Variants in ESRRG observed in about 807,000 individuals in gnomAD.
The protein encoded by ESRRG is estrogen-related receptor gamma.
In ESRRG, 13 loss-of-function variants were observed where a neutral mutation model predicts 44.0. That is an observed-to-expected ratio of 0.30 (90% CI 0.19 to 0.47). ESRRG has a LOEUF of 0.47. Among genes scored for constraint, ESRRG ranks in the 20% least tolerant of loss-of-function variants. The pLI, the probability that ESRRG is intolerant of heterozygous loss-of-function variation, is 1.00. For synonymous variants in ESRRG, 215 were observed against 214.6 expected (o/e 1.00, Z -0.02); for missense variants, 395 against 580.6 (o/e 0.68, Z 3.29).
At chr1:217,090,803 A>G (rs1288369438), upstream of ESRRG, among the ~76,000 whole-genome samples, 1 of 152,204 alleles carries the variant, frequency 6.6e-6, no homozygotes, top group African/African-American at 2.4e-5. Context: ...CTACAACAGC[A>G]GGAAAACTTT....
At chr1:216,524,722 T>C (rs937964205) in intron 5 of ESRRG, among the ~76,000 whole-genome samples, 20 of 152,296 alleles carry the variant, frequency 1.3e-4, no homozygotes, top group African/African-American at 4.6e-4. Flanking sequence ...TATGGAACTA[T>C]TATTTTAAAA....
chr1:216,836,305 A>G (rs1229791145), intron 2 of ESRRG, among the ~76,000 whole-genome samples: 1 of 152,196 alleles, frequency 6.6e-6, no homozygotes, highest in African/African-American at 2.4e-5. Flanking sequence ...TATTATACCC[A>G]CAAGTTTCAA....
chr1:216,519,041 A>T, intron 6 of ESRRG, 111 bp downstream of exon 6: 1 of 855,824 alleles, frequency 1.2e-6, no homozygotes, highest in Non-Finnish European at 1.8e-6. Flanking sequence ...AATTTTGCTG[A>T]CTCATACAAA....
chr1:216,636,678 C>T lies in ESRRG; in HGVS notation c.589+14295G>A, dbSNP rs548264394. ...TTCTAGAACTGCAAGTTAAGTAAGA[C>T]AGGTGAGGAAGGGAAGAATTCCTAG... On this transcript the variant is annotated intron_variant, in intron 3 of 6. Transcript: ENST00000408911. Among the ~76,000 whole-genome samples, 97 of 152,324 alleles carry T rather than the reference C, an allele frequency of 6.4e-4. 4 individuals carry two copies. Among genetic ancestry groups the T allele is most frequent in the African/African-American group, 2.2e-3 (92 of 41,568 alleles).
chr1:216,989,384 G>A lies in ESRRG; in HGVS notation c.-105-49711C>T, dbSNP rs116145772. 2.5e-3 allele frequency among the ~76,000 whole-genome samples: 334 copies of A among 133,670 alleles called. 1 individual carries two copies. The highest frequency in any genetic ancestry group is 8.7e-3 in the African/African-American group (313 of 35,930). 87.7% of individuals were successfully genotyped at this position (133,670 alleles called of 152,430 possible). ...AAACAATTGAGCTGCAGTGAGCCGTGATGTTGCCACTGCACTCTGTCTGCA... is the reference window on the plus strand; with the variant it reads ...AAACAATTGAGCTGCAGTGAGCCGTAATGTTGCCACTGCACTCTGTCTGCA... On this transcript the variant is annotated intron_variant, in intron 1 of 7. Coordinates refer to the ESRRG transcript ENST00000359162.
chr1:216,827,596 A>T (rs2148693655), intron 2 of ESRRG, among the ~76,000 whole-genome samples: 1 of 152,348 alleles, frequency 6.6e-6, no homozygotes, highest in South Asian at 2.1e-4. Context: ...TCATAAATAT[A>T]AAACTTATTT....
At chr1:216,991,392 CTGT>C (rs2075675081) in intron 1 of ESRRG, among the ~76,000 whole-genome samples, 1 of 152,072 alleles carries the variant, frequency 6.6e-6, no homozygotes, top group African/African-American at 2.4e-5. Flanking sequence ...GCTGCTGCTG[CTGT>C]TATCATCCAT....
rs945453 is a variant in ESRRG at position 216,519,327 on chromosome 1, C to T, written c.957G>A (p.Ser319=). 0.43 allele frequency: 690,597 copies of T among 1,612,634 alleles called. 157,727 individuals carry two copies. The highest frequency in any genetic ancestry group is 0.7 in the East Asian group (31,498 of 44,842). ...CTGCATAGACAAGTTCATCCTCAAA[C>T]GAAAGAGACCGGTATACGACACCAA... ...LILGVVYRSL[S]FEDELVYADD... The change falls in exon 6 of 7, where the codon TCG becomes TCA. Residue 319 remains serine (S), a synonymous_variant. Coordinates refer to ENST00000408911, the MANE Select transcript of ESRRG (RefSeq NM_001438.4).
At position 216,677,137 on chromosome 1, in the gene ESRRG, C is replaced by T. The variant is rs1230064604; in HGVS notation, c.411G>A (p.Gly137=). 2 of 1,613,748 alleles carry T rather than the reference C, an allele frequency of 1.2e-6. No homozygotes were observed. Among genetic ancestry groups the T allele is most frequent in the African/African-American group, 2.7e-5 (2 of 74,902 alleles). ...LCLVCGDIAS[G]YHYGVASCEA... ...CACATGATGCTACCCCATAGTGGTA[C>T]CCAGAAGCGATGTCACCACACACTA... is the stretch of plus-strand genomic sequence containing the variant. Residue 137 remains glycine, a synonymous_variant, in exon 2 of 7, where the codon GGG becomes GGA. Transcript: ENST00000408911.
intron 3 of ESRRG, among the ~76,000 whole-genome samples, chr1:216,614,462 T>C (rs1258417143): frequency 1.3e-5 from 2 of 152,160 alleles, no homozygotes; most frequent in Non-Finnish European, 2.9e-5. Flanking sequence ...GCTGAATATA[T>C]ATCTGGTGAG....
intron 2 of ESRRG, among the ~76,000 whole-genome samples, chr1:216,758,464 C>A (rs755315148): frequency 1.3e-5 from 2 of 152,072 alleles, no homozygotes; most frequent in African/African-American, 4.8e-5. Flanking sequence ...GCTTATCTCT[C>A]TGCTCAGTTC....
At chr1:216,986,538 T>A (rs2074898780) in intron 1 of ESRRG, among the ~76,000 whole-genome samples, 2 of 151,838 alleles carry the variant, frequency 1.3e-5, no homozygotes, top group African/African-American at 4.8e-5. Context: ...TAGAGAAACC[T>A]CGTCTCTGTA....
chr1:216,683,418 A>C (rs2077377515), intron 1 of ESRRG, among the ~76,000 whole-genome samples: 1 of 152,206 alleles, frequency 6.6e-6, no homozygotes, highest in Admixed American at 6.5e-5. Flanking sequence ...AGATTTAGTA[A>C]TGCTGCTTCT....
intron 2 of ESRRG, among the ~76,000 whole-genome samples, chr1:216,654,629 C>T (rs1456499094): frequency 2.1e-5 from 2 of 94,190 alleles, no homozygotes; most frequent in Non-Finnish European, 4.0e-5. Flanking sequence ...AACTCTGTTT[C>T]AAAAAAAAAA....
At chr1:216,551,978 C>T (rs2056469178) in intron 5 of ESRRG, among the ~76,000 whole-genome samples, 1 of 152,080 alleles carries the variant, frequency 6.6e-6, no homozygotes, top group Non-Finnish European at 1.5e-5. Flanking sequence ...TATCTCTCTG[C>T]ACAAAATAGA....
chr1:216,981,860 C>T (rs1472556531), intron 1 of ESRRG, among the ~76,000 whole-genome samples: 1 of 152,096 alleles, frequency 6.6e-6, no homozygotes, highest in African/African-American at 2.4e-5. Flanking sequence ...TACAACAAAC[C>T]CCTGGCACCC....
At chr1:216,775,516 C>G (rs546944103) in intron 2 of ESRRG, among the ~76,000 whole-genome samples, 2 of 143,070 alleles carry the variant, frequency 1.4e-5, no homozygotes, top group East Asian at 4.3e-4. Flanking sequence ...ACCCTGACAG[C>G]ATGGAGTCTT....
At chr1:216,983,227 A>G (rs930987610) in intron 1 of ESRRG, among the ~76,000 whole-genome samples, 1 of 151,174 alleles carries the variant, frequency 6.6e-6, no homozygotes, top group African/African-American at 2.5e-5. Context: ...AGACAGTGGT[A>G]TTGATTTTTT....
At chr1:216,771,816 G>GT (rs72464828) in intron 2 of ESRRG, among the ~76,000 whole-genome samples, 40,196 of 128,012 alleles carry the variant, frequency 0.31, 6,910 homozygotes, top group South Asian at 0.42. Flanking sequence ...AGTTTGTGGT[G>GT]TTTTTTTTTT....
Sources: gnomAD v4.1 joint callset for allele counts (sites outside exome capture counted in the v4.1 genomes callset) on GRCh38, gnomAD v4.1.1 for gene constraint, MANE v1.5 for transcripts, NCBI Gene and HGNC (gene_info 2026-07-23, HGNC 2026-07-21) for gene names.